The following KDM2A variants were observed in gnomAD, a reference collection of about 807,000 sequenced individuals.
KDM2A encodes lysine demethylase 2A.
A neutral mutation model predicts 137.3 loss-of-function variants in KDM2A; 3 were observed. The observed-to-expected ratio is 0.02, with a 90% CI of 0.01 to 0.06. KDM2A has a LOEUF of 0.06. Among genes scored for constraint, KDM2A ranks in the 10% least tolerant of loss-of-function variants. The pLI, the probability that KDM2A is intolerant of heterozygous loss-of-function variation, is 1.00. For synonymous variants in KDM2A, 512 were observed against 541.5 expected, an observed-to-expected ratio of 0.95 and a Z score of 0.76; for missense variants, 738 against 1,510.6, an observed-to-expected ratio of 0.49 and a Z score of 8.48.
At chr11:67,184,140 A>G (rs1298268037) in intron 5 of KDM2A, among the ~76,000 whole-genome samples, 1 of 149,210 alleles carries the variant, frequency 6.7e-6, no homozygotes, top group Non-Finnish European at 1.5e-5. Context: ...TTGTTGTTGC[A>G]TCTTCTCCTA....
intron 6 of KDM2A, among the ~76,000 whole-genome samples, chr11:67,211,472 G>T (rs1423366355): frequency 1.3e-5 from 2 of 151,514 alleles, no homozygotes; most frequent in African/African-American, 4.8e-5. Context: ...AAATTAGCTG[G>T]GTGTGGTGGT....
chr11:67,158,687 G>C (rs889323844), intron 2 of KDM2A, among the ~76,000 whole-genome samples: 2 of 152,150 alleles, frequency 1.3e-5, no homozygotes, highest in African/African-American at 2.4e-5. Flanking sequence ...AATAGAGATG[G>C]TGTCTCACTA....
chr11:67,122,289 A>G (rs571327142), intron 2 of KDM2A, among the ~76,000 whole-genome samples: 1 of 152,308 alleles, frequency 6.6e-6, no homozygotes, highest in East Asian at 1.9e-4. Context: ...TACATTTTCT[A>G]GTGATCCTTA....
At chr11:67,207,199 T>C (rs1221362866) in intron 5 of KDM2A, among the ~76,000 whole-genome samples, 1 of 152,220 alleles carries the variant, frequency 6.6e-6, no homozygotes, top group East Asian at 1.9e-4. Flanking sequence ...TAACATCTGC[T>C]TTCTCATGTA....
intron 2 of KDM2A, among the ~76,000 whole-genome samples, chr11:67,135,801 T>C (rs78776553): frequency 1.5e-4 from 23 of 152,340 alleles, no homozygotes; most frequent in African/African-American, 5.5e-4. Context: ...ACATGTTGGG[T>C]AATCCCAAAA....
At chr11:67,233,254 C>G (rs1417916443) in intron 12 of KDM2A, among the ~76,000 whole-genome samples, 2 of 150,816 alleles carry the variant, frequency 1.3e-5, no homozygotes, top group Admixed American at 6.6e-5. Context: ...CACAGTGGCT[C>G]ACACCTGTAA....
chr11:67,193,965 C>T (rs1400719299), intron 5 of KDM2A, among the ~76,000 whole-genome samples: 2 of 152,180 alleles, frequency 1.3e-5, no homozygotes, highest in African/African-American at 4.8e-5. Context: ...GTCTTGGCCT[C>T]CCAAATTGCT....
intron 2 of KDM2A, among the ~76,000 whole-genome samples, chr11:67,145,738 T>C (rs1856228577): frequency 1.3e-5 from 2 of 152,028 alleles, no homozygotes; most frequent in Non-Finnish European, 2.9e-5. Context: ...TCGGCTACTT[T>C]CTCTTTTCTT....
chr11:67,253,356 A>G lies in KDM2A; in HGVS notation c.2933-97A>G, dbSNP rs993944935. 4 of 1,065,356 alleles carry G rather than the reference A, an allele frequency of 3.8e-6. No homozygotes were observed. In the African/African-American group the frequency reaches 4.7e-5, roughly 13 times the overall value. The allele number at this position is 1,065,356 out of a possible 1,614,324, so 66.0% of individuals were successfully genotyped here. A position where few individuals can be genotyped will look rare whatever the true frequency, so the allele number is the denominator to read the frequency against. On this transcript the variant is annotated intron_variant, in intron 18 of 20. Transcript: ENST00000529006. ...AGATTAGGCATAGTCCTTCTCTCCT[A>G]TTAGACTGGAAGTTTGTTCACTTTG...
intron 5 of KDM2A, chr11:67,196,391 T>C (rs1304786857): frequency 4.4e-6 from 2 of 456,038 alleles, no homozygotes; most frequent in African/African-American, 4.0e-5. Context: ...CTTCCTGCTT[T>C]AACCTCTTGC....
At chr11:67,141,368 T>C (rs1295218170) in intron 2 of KDM2A, among the ~76,000 whole-genome samples, 2 of 152,146 alleles carry the variant, frequency 1.3e-5, no homozygotes, top group South Asian at 4.1e-4. Context: ...TTTTGAAATA[T>C]ACAATTCATT....
At position 67,183,854 on chromosome 11, in the gene KDM2A, A is replaced by T. The variant is rs554694264; in HGVS notation, c.307+1962A>T. 4.6e-5 allele frequency among the ~76,000 whole-genome samples: 7 copies of T among 151,466 alleles called. No homozygotes were observed. In the South Asian group the frequency reaches 1.5e-3, roughly 32 times the overall value. Reference sequence around the variant, plus strand: ...CCAGGCACAGTGGGTCATGCCTGTAATCTTAGCACTCTGGGAGGCTGAGGC... The same window carrying T: ...CCAGGCACAGTGGGTCATGCCTGTATTCTTAGCACTCTGGGAGGCTGAGGC... On this transcript the variant is annotated intron_variant, in intron 5 of 20. Coordinates refer to ENST00000529006, the MANE Select transcript of KDM2A (RefSeq NM_012308.3).
chr11:67,157,759 A>C (rs1048990611), intron 2 of KDM2A, among the ~76,000 whole-genome samples: 3 of 151,906 alleles, frequency 2.0e-5, no homozygotes, highest in Non-Finnish European at 4.4e-5. Context: ...AAAAAAAAAA[A>C]AAAAACTTGC....
chr11:67,179,569 C>T (rs900179165), intron 2 of KDM2A, among the ~76,000 whole-genome samples: 5 of 152,302 alleles, frequency 3.3e-5, no homozygotes, highest in East Asian at 1.9e-4. Flanking sequence ...CGTGAGCCAC[C>T]GCACCCGGCC....
intron 11 of KDM2A, among the ~76,000 whole-genome samples, chr11:67,228,700 A>AAAAG (rs1446683286): frequency 4.8e-5 from 7 of 145,004 alleles, no homozygotes; most frequent in Non-Finnish European, 1.0e-4. Flanking sequence ...AAAAAAAAAA[A>AAAAG]AAAGAAAGAA....
rs531142572 is a variant in KDM2A, at chr11:67,203,322, A to G, written c.308-4188A>G. 2.6e-4 allele frequency among the ~76,000 whole-genome samples: 40 copies of G among 151,854 alleles called. 1 individual carries two copies. The East Asian group carries it at 7.3e-3, about 28-fold the overall frequency. ...AGTTTTGTATGACTTGCTTACTGGA[A>G]TAGTTGCTTTATTGCAATGATCTGG... is the stretch of plus-strand genomic sequence containing the variant. On this transcript the variant is annotated intron_variant, in intron 5 of 20. Transcript: ENST00000529006.
intron 15 of KDM2A, among the ~76,000 whole-genome samples, chr11:67,246,335 C>G (rs992662852): frequency 6.6e-6 from 1 of 152,010 alleles, no homozygotes; most frequent in Admixed American, 6.5e-5. Context: ...CAAAATAGAC[C>G]CAGTTCCTGT....
At chr11:67,213,240 G>T (rs1288302307) in intron 6 of KDM2A, among the ~76,000 whole-genome samples, 1 of 152,120 alleles carries the variant, frequency 6.6e-6, no homozygotes, top group Admixed American at 6.6e-5. Flanking sequence ...GATCAAATAC[G>T]TAGATGTTGT....
intron 11 of KDM2A, among the ~76,000 whole-genome samples, chr11:67,229,453 C>T (rs1381271880): frequency 6.6e-6 from 1 of 152,218 alleles, no homozygotes; most frequent in Non-Finnish European, 1.5e-5. Context: ...CTGGTGAGGA[C>T]TCAACACCAT....
Sources: gnomAD v4.1 joint callset for allele counts (sites outside exome capture counted in the v4.1 genomes callset) on GRCh38, gnomAD v4.1.1 for gene constraint, MANE v1.5 for transcripts, NCBI Gene and HGNC (gene_info 2026-07-23, HGNC 2026-07-21) for gene names.